Variants in FAM20A observed in about 807,000 individuals in gnomAD.
The protein encoded by FAM20A is pseudokinase FAM20A.
A neutral mutation model predicts 52.0 loss-of-function variants in FAM20A; 42 were observed. The observed-to-expected ratio is 0.81, with a 90% CI of 0.63 to 1.04. The LOEUF is 1.04. Ranked by LOEUF, FAM20A falls within the 50% of genes least tolerant of loss-of-function variation. FAM20A has a pLI of 0.00. For synonymous variants in FAM20A, 304 were observed against 298.9 expected (o/e 1.02, Z -0.18); for missense variants, 742 against 712.7 (o/e 1.04, Z -0.47).
At chr17:68,567,489 T>C (rs1355847689) in intron 1 of FAM20A, among the ~76,000 whole-genome samples, 3 of 151,968 alleles carry the variant, frequency 2.0e-5, no homozygotes, top group African/African-American at 4.9e-5. Flanking sequence ...AGGTTCTCCC[T>C]GAAGCTGGCC....
chr17:68,594,256 G>A (rs555483543), intron 1 of FAM20A, among the ~76,000 whole-genome samples: 1 of 152,252 alleles, frequency 6.6e-6, no homozygotes, highest in East Asian at 1.9e-4. Flanking sequence ...AAAGTTAGCT[G>A]GGCGTAGTGG....
At chr17:68,541,049 T>C in intron 7 of FAM20A, 91 bp from the exon 8 acceptor site, 1 of 1,517,472 alleles carries the variant, frequency 6.6e-7, no homozygotes, top group Non-Finnish European at 8.9e-7. Context: ...CCCCAATCCC[T>C]GCCTCCCTGA....
At chr17:68,582,800 T>TTC (rs1390552207) in intron 1 of FAM20A, among the ~76,000 whole-genome samples, 1 of 139,354 alleles carries the variant, frequency 7.2e-6, no homozygotes, top group Non-Finnish European at 1.6e-5. Context: ...TTTTTTTTTT[T>TTC]TTTTTTTGAG....
At chr17:68,587,334 A>G (rs1452389053) in intron 1 of FAM20A, among the ~76,000 whole-genome samples, 1 of 152,222 alleles carries the variant, frequency 6.6e-6, no homozygotes, top group Non-Finnish European at 1.5e-5. Flanking sequence ...TGATATATCT[A>G]ATTTTCTGAC....
intron 1 of FAM20A, among the ~76,000 whole-genome samples, chr17:68,582,755 C>A (rs1032782813): frequency 6.9e-6 from 1 of 145,976 alleles, no homozygotes; most frequent in Non-Finnish European, 1.5e-5. Context: ...CCCTGCATAG[C>A]GCTTATGTGG....
chr17:68,589,825 C>T (rs755523207), intron 1 of FAM20A, among the ~76,000 whole-genome samples: 12 of 152,126 alleles, frequency 7.9e-5, no homozygotes, highest in East Asian at 1.9e-4. Flanking sequence ...AAGGATAATA[C>T]GATTATTAAT....
At chr17:68,548,389 G>A (rs1002364333) in intron 4 of FAM20A, among the ~76,000 whole-genome samples, 1 of 152,162 alleles carries the variant, frequency 6.6e-6, no homozygotes, top group African/African-American at 2.4e-5. Flanking sequence ...AATTAGCCAG[G>A]TGTGGTGGGC....
chr17:68,547,775 T>A (rs1176005339), intron 4 of FAM20A, among the ~76,000 whole-genome samples: 1 of 152,242 alleles, frequency 6.6e-6, no homozygotes, highest in Non-Finnish European at 1.5e-5. Flanking sequence ...GAGGCTGTTT[T>A]GCTTTCTTAT....
Position 68,536,530 on chromosome 17 carries a change from C to G in FAM20A, c.*947G>C, listed in dbSNP as rs1334038777. On this transcript the variant is annotated 3_prime_UTR_variant, in exon 11 of 11. Transcript: ENST00000592554. The stretch of plus-strand genomic sequence containing the variant: ...ACTTAGTCTTTTTTGAGCCAGCCGT[C>G]ACAGGGAGGGGCATCTAGAGGGCCT... The G allele has an allele frequency of 2.2e-6, 1 of 454,102 alleles. No individual in the cohort carries two copies. Among genetic ancestry groups the G allele is most frequent in the South Asian group, 1.6e-5 (1 of 64,476 alleles). The allele number at this position is 454,102 out of a possible 1,614,324, so 28.1% of individuals were successfully genotyped here. A position where few individuals can be genotyped will look rare whatever the true frequency, so the allele number is the denominator to read the frequency against.
intron 1 of FAM20A, among the ~76,000 whole-genome samples, chr17:68,592,869 C>T (rs566907373): frequency 6.6e-6 from 1 of 152,310 alleles, no homozygotes; most frequent in East Asian, 1.9e-4. Context: ...TTCAATAAAA[C>T]AGGCTTTTCC....
chr17:68,536,181 G>A lies in FAM20A; in HGVS notation c.*1296C>T, dbSNP rs1448278496. Reference sequence around the variant, plus strand: ...GCTATCTTTGCTCACACTGCAGAAAGCTTGGAGACATTTCTGGTTCTTGAC... The same window carrying A: ...GCTATCTTTGCTCACACTGCAGAAAACTTGGAGACATTTCTGGTTCTTGAC... On this transcript the variant is annotated 3_prime_UTR_variant, in exon 11 of 11. Coordinates refer to ENST00000592554, the MANE Select transcript of FAM20A (RefSeq NM_017565.4). The A allele has an allele frequency of 4.4e-6, 2 of 454,130 alleles. No individual in the cohort carries two copies. Among genetic ancestry groups the A allele is most frequent in the African/African-American group, 4.0e-5 (2 of 50,140 alleles). The allele number at this position is 454,130 out of a possible 1,614,324, so 28.1% of individuals were successfully genotyped here.
chr17:68,551,145 G>C, intron 4 of FAM20A: 1 of 1,233,068 alleles, frequency 8.1e-7, no homozygotes, highest in Non-Finnish European at 1.0e-6. Flanking sequence ...CCGAACTCTA[G>C]GAGACCCTAA....
At chr17:68,596,256 A>C (rs918042465) in intron 1 of FAM20A, among the ~76,000 whole-genome samples, 1 of 152,060 alleles carries the variant, frequency 6.6e-6, no homozygotes, top group Non-Finnish European at 1.5e-5. Context: ...ATTGCAAGAC[A>C]ATATAACCTT....
intron 1 of FAM20A, among the ~76,000 whole-genome samples, chr17:68,596,118 G>C (rs890906231): frequency 6.6e-6 from 1 of 152,068 alleles, no homozygotes; most frequent in Non-Finnish European, 1.5e-5. Flanking sequence ...TTTTCAAAGA[G>C]AGACCCAGGA....
intron 1 of FAM20A, among the ~76,000 whole-genome samples, chr17:68,566,237 A>G (rs2087373271): frequency 6.6e-6 from 1 of 152,138 alleles, no homozygotes; most frequent in Non-Finnish European, 1.5e-5. Flanking sequence ...AGTAATAGTG[A>G]TTTAGGCATA....
chr17:68,586,286 G>T (rs1227540743), intron 1 of FAM20A, among the ~76,000 whole-genome samples: 1 of 152,100 alleles, frequency 6.6e-6, no homozygotes, highest in Non-Finnish European at 1.5e-5. Flanking sequence ...TTATCTAAAA[G>T]ATTAAATTTT....
At chr17:68,581,349 T>TC (rs1568773616) in intron 1 of FAM20A, among the ~76,000 whole-genome samples, 178 of 146,760 alleles carry the variant, frequency 1.2e-3, no homozygotes, top group East Asian at 2.2e-3. Flanking sequence ...CGAAATGCAG[T>TC]TTTTCTTTCT....
chr17:68,554,643 G>A (rs2087001262), intron 3 of FAM20A, 134 bp downstream of exon 3: 6 of 853,264 alleles, frequency 7.0e-6, no homozygotes, highest in South Asian at 5.8e-5. Context: ...GGGGAGAAAC[G>A]TTGAGTTCTC....
intron 1 of FAM20A, among the ~76,000 whole-genome samples, chr17:68,588,725 TTAA>T (rs1165022800): frequency 2.0e-5 from 3 of 152,236 alleles, no homozygotes; most frequent in African/African-American, 7.2e-5. Flanking sequence ...TCATTTAACC[TTAA>T]TTATCTCTTA....
Sources: allele counts gnomAD v4.1 joint callset (sites outside exome capture counted in the v4.1 genomes callset), GRCh38; gene constraint gnomAD v4.1.1; transcripts MANE v1.5; gene names NCBI Gene and HGNC (gene_info 2026-07-23, HGNC 2026-07-21).